The following NUP98 variants were observed in gnomAD, a reference collection of about 807,000 sequenced individuals.
NUP98 encodes the protein nucleoporin 98 and 96 precursor, also known as nuclear pore complex protein Nup98-Nup96.
In NUP98, 26 loss-of-function variants were observed where a neutral mutation model predicts 191.9. The ratio of observed to expected loss-of-function variants is 0.14; its 90% CI spans 0.10 to 0.19. The LOEUF (loss-of-function observed/expected upper bound fraction) is 0.19, where lower values mean the gene tolerates loss of function less well. Ranked by LOEUF, NUP98 falls within the 10% of genes least tolerant of loss-of-function variation. NUP98 has a pLI of 1.00. For synonymous variants in NUP98, 808 were observed against 778.4 expected, an observed-to-expected ratio of 1.04 and a Z score of -0.63; for missense variants, 1,941 against 2,178.8, an observed-to-expected ratio of 0.89 and a Z score of 2.17.
intron 10 of NUP98, among the ~76,000 whole-genome samples, chr11:3,757,345 G>A (rs2081003264): frequency 6.6e-6 from 1 of 151,706 alleles, no homozygotes; most frequent in African/African-American, 2.4e-5. Context: ...AAATTAGCCA[G>A]GTGTGGTGGT....
chr11:3,745,827 T>C (rs1289730389), intron 11 of NUP98, among the ~76,000 whole-genome samples: 1 of 152,112 alleles, frequency 6.6e-6, no homozygotes, highest in African/African-American at 2.4e-5. Flanking sequence ...TTCAAAGATA[T>C]AATACTTGCA....
chr11:3,746,294 AG>A (rs2080497859), intron 11 of NUP98, among the ~76,000 whole-genome samples: 1 of 93,104 alleles, frequency 1.1e-5, no homozygotes, highest in African/African-American at 5.0e-5. Context: ...AAAAAAAAAA[AG>A]ACAGCTTTGG....
intron 7 of NUP98, among the ~76,000 whole-genome samples, chr11:3,770,721 T>C (rs989656432): frequency 5.3e-5 from 8 of 152,178 alleles, no homozygotes; most frequent in Non-Finnish European, 1.0e-4. Context: ...GTATCACATA[T>C]GTGCATTACT....
intron 30 of NUP98, 27 bp from the exon 31 acceptor site, chr11:3,679,735 T>C: frequency 1.9e-6 from 3 of 1,606,952 alleles, no homozygotes; most frequent in Non-Finnish European, 2.6e-6. Context: ...TTGAGCACAA[T>C]GTCTGCACAA....
At chr11:3,699,018 G>T in intron 25 of NUP98, 64 bp downstream of exon 25, 1 of 1,568,112 alleles carries the variant, frequency 6.4e-7, no homozygotes, top group Non-Finnish European at 8.7e-7. Context: ...TTAGCGGGGA[G>T]CGGTAGGAGG....
At chr11:3,704,748 G>T (rs535506735) in intron 22 of NUP98, among the ~76,000 whole-genome samples, 1 of 152,324 alleles carries the variant, frequency 6.6e-6, no homozygotes, top group East Asian at 1.9e-4. Flanking sequence ...ACGCATACCT[G>T]TAATCTCAGC....
chr11:3,771,099 G>A (rs2081517125), intron 7 of NUP98, among the ~76,000 whole-genome samples: 1 of 152,158 alleles, frequency 6.6e-6, no homozygotes, highest in Non-Finnish European at 1.5e-5. Context: ...CTGACCTCAA[G>A]CAACCCACCT....
Position 3,676,162 on chromosome 11 carries a change from C to G in NUP98, c.5400G>C (p.Leu1800=). 1.2e-6 allele frequency: 2 copies of G among 1,613,784 alleles called. No individual in the cohort carries two copies. Among genetic ancestry groups the G allele is most frequent in the Non-Finnish European group, 1.7e-6 (2 of 1,179,940 alleles). ...SYLRELAVGS[L] is the part of the protein sequence containing the mutation. ...TGTGATGCAAAGTGCCTGGGGCTCA[C>G]AGGCTCCCAACAGCCAGTTCTCGCA... The change falls in exon 33 of 33, where the codon CTG becomes CTC. Residue 1800 remains leucine, a synonymous_variant. Coordinates refer to ENST00000324932, the MANE Select transcript of NUP98 (RefSeq NM_016320.5).
At chr11:3,692,181 T>A (rs1331811523) in intron 27 of NUP98, among the ~76,000 whole-genome samples, 1 of 151,904 alleles carries the variant, frequency 6.6e-6, no homozygotes, top group East Asian at 1.9e-4. Flanking sequence ...TTTTTTAAAT[T>A]AGCCAGGCAT....
intron 31 of NUP98, among the ~76,000 whole-genome samples, chr11:3,678,284 G>C (rs1461708252): frequency 1.6e-5 from 2 of 125,532 alleles, no homozygotes; most frequent in East Asian, 1.9e-4. Context: ...TTTCAGACGA[G>C]AGAGGTAGTT....
chr11:3,759,665 CAGT>C lies in NUP98; in HGVS notation c.1174+871_1174+873del, dbSNP rs535455520. The stretch of plus-strand genomic sequence containing the variant: ...CCATAAAACTGGTTTACATTTTTCC[CAGT>C]AGGTTAAGGTTTTGAAAATTATTGT... On this transcript the variant is annotated intron_variant, in intron 10 of 32. Coordinates refer to ENST00000324932, the MANE Select transcript of NUP98 (RefSeq NM_016320.5). Among the ~76,000 whole-genome samples, 1,452 of 152,058 alleles carry C rather than the reference CAGT, an allele frequency of 9.5e-3. 15 individuals carry two copies. Among genetic ancestry groups the C allele is most frequent in the Non-Finnish European group, 0.014 (973 of 67,980 alleles).
Position 3,768,630 on chromosome 11 carries a change from A to T in NUP98, c.899T>A (p.Phe300Tyr). ...TATGGTGCTGGTATTACCAAAGGAA[A>T]AGCCAGTGTTCTGGGTGGTTGTAGC... is the stretch of plus-strand genomic sequence containing the variant. ...GQATTTQNTG[F>Y]SFGNTSTIGQ... The change falls in exon 8 of 33, where the codon TTT (phenylalanine) becomes TAT (tyrosine). Residue 300 changes from phenylalanine to tyrosine, a missense_variant. Phe to Tyr is a conservative substitution (Grantham distance 22). Coordinates refer to ENST00000324932, the MANE Select transcript of NUP98 (RefSeq NM_016320.5). 6.2e-7 allele frequency: 1 copy of T among 1,610,486 alleles called. No individual in the cohort carries two copies. The highest frequency in any genetic ancestry group is 1.3e-5 in the African/African-American group (1 of 74,764).
At chr11:3,780,503 C>T (rs149974251) in intron 2 of NUP98, among the ~76,000 whole-genome samples, 7,054 of 141,888 alleles carry the variant, frequency 0.05, 236 homozygotes, top group Middle Eastern at 0.097. Flanking sequence ...GATCGCACCA[C>T]CGCACTCCAT....
At chr11:3,712,209 A>G (rs1426748923) in intron 20 of NUP98, 2 of 1,086,262 alleles carry the variant, frequency 1.8e-6, no homozygotes, top group East Asian at 9.6e-5. Context: ...TAAACTGCAC[A>G]TCAGGTAGTC....
chr11:3,686,430 C>T (rs1405204952), intron 28 of NUP98, among the ~76,000 whole-genome samples: 1 of 152,196 alleles, frequency 6.6e-6, no homozygotes, highest in African/African-American at 2.4e-5. Context: ...AACAGGTTTG[C>T]TGGTAATGGT....
At chr11:3,715,315 T>C (rs1021440467) in intron 18 of NUP98, among the ~76,000 whole-genome samples, 2 of 152,102 alleles carry the variant, frequency 1.3e-5, no homozygotes, top group Non-Finnish European at 2.9e-5. Context: ...CCCAGCTAAT[T>C]TTTGTACTTT....
chr11:3,736,908 A>G (rs557535255), intron 12 of NUP98, among the ~76,000 whole-genome samples: 2 of 152,324 alleles, frequency 1.3e-5, no homozygotes, highest in South Asian at 4.1e-4. Flanking sequence ...ACATAATATA[A>G]ACTGAAAGAA....
chr11:3,784,587 A>AAC (rs1554904733), intron 1 of NUP98, among the ~76,000 whole-genome samples: 92 of 137,648 alleles, frequency 6.7e-4, no homozygotes, highest in Middle Eastern at 3.6e-3. Flanking sequence ...ATTAAAAACA[A>AAC]AAAAAAAACA....
intron 11 of NUP98, 146 bp downstream of exon 11, chr11:3,753,170 G>T: frequency 1.4e-6 from 1 of 690,118 alleles, no homozygotes; most frequent in Non-Finnish European, 2.5e-6. Context: ...AAGCATAACT[G>T]CTGGGAATGT....
Sources: gnomAD v4.1 joint callset for allele counts (sites outside exome capture counted in the v4.1 genomes callset) on GRCh38, gnomAD v4.1.1 for gene constraint, MANE v1.5 for transcripts, NCBI Gene and HGNC (gene_info 2026-07-23, HGNC 2026-07-21) for gene names.